Variants in PDGFD observed in about 807,000 individuals in gnomAD.
PDGFD encodes platelet derived growth factor D, also known as platelet-derived growth factor D.
PDGFD carries 30 observed loss-of-function variants against 44.7 expected under a neutral mutation model. The ratio of observed to expected loss-of-function variants is 0.67; its 90% confidence interval spans 0.50 to 0.91. The LOEUF is 0.91. Ranked by LOEUF, PDGFD falls within the 40% of genes least tolerant of loss-of-function variation. The pLI is 0.00. For missense variants in PDGFD, 445 were observed against 457.8 expected (o/e 0.97, Z 0.25); for synonymous variants, 173 against 168.4 (o/e 1.03, Z -0.21).
At chr11:103,981,162 A>G (rs1859266591) in intron 3 of PDGFD, among the ~76,000 whole-genome samples, 1 of 151,576 alleles carries the variant, frequency 6.6e-6, no homozygotes, top group Non-Finnish European at 1.5e-5. Context: ...TTAGCATGGG[A>G]GTGGGTTAGT....
At chr11:104,150,567 TG>T (rs1862228408) in intron 1 of PDGFD, among the ~76,000 whole-genome samples, 2 of 152,318 alleles carry the variant, frequency 1.3e-5, no homozygotes, top group Admixed American at 1.3e-4. Flanking sequence ...TTCTGGAGAC[TG>T]GAAGTCTGAA....
intron 3 of PDGFD, among the ~76,000 whole-genome samples, chr11:103,995,292 G>A (rs1214172422): frequency 6.6e-6 from 1 of 152,162 alleles, no homozygotes; most frequent in Non-Finnish European, 1.5e-5. Flanking sequence ...CAGAGTGCCT[G>A]ACAAAGAACA....
intron 1 of PDGFD, among the ~76,000 whole-genome samples, chr11:104,078,363 C>T (rs865974665): frequency 5.9e-5 from 9 of 152,296 alleles, no homozygotes; most frequent in Middle Eastern, 3.4e-3. Flanking sequence ...CCCATCAACA[C>T]TATGTCTAAG....
chr11:104,030,479 T>C (rs1860107827), intron 1 of PDGFD, among the ~76,000 whole-genome samples: 1 of 152,212 alleles, frequency 6.6e-6, no homozygotes, highest in Non-Finnish European at 1.5e-5. Context: ...CTCAGGGCAC[T>C]GCACAGGCTT....
At chr11:104,134,099 T>C (rs1479217683) in intron 1 of PDGFD, among the ~76,000 whole-genome samples, 1 of 152,176 alleles carries the variant, frequency 6.6e-6, no homozygotes, top group Non-Finnish European at 1.5e-5. Flanking sequence ...TAAACTATAT[T>C]TTTGAAAAGT....
chr11:104,101,075 C>T (rs1052234869), intron 1 of PDGFD, among the ~76,000 whole-genome samples: 1 of 152,080 alleles, frequency 6.6e-6, no homozygotes, highest in African/African-American at 2.4e-5. Flanking sequence ...CACTCCTATT[C>T]AACATAGTGT....
intron 3 of PDGFD, among the ~76,000 whole-genome samples, chr11:103,948,967 A>AAGAG (rs1858703242): frequency 6.6e-6 from 1 of 150,770 alleles, no homozygotes; most frequent in African/African-American, 2.4e-5. Flanking sequence ...GAAAGAAAGA[A>AAGAG]ACCGACTAGA....
chr11:104,112,793 G>C (rs1229602387), intron 1 of PDGFD, among the ~76,000 whole-genome samples: 1 of 151,948 alleles, frequency 6.6e-6, no homozygotes, highest in Non-Finnish European at 1.5e-5. Flanking sequence ...ATAACACATG[G>C]TCTTATTTAT....
At chr11:104,040,596 T>C (rs943631778) in intron 1 of PDGFD, among the ~76,000 whole-genome samples, 7 of 152,068 alleles carry the variant, frequency 4.6e-5, no homozygotes, top group Admixed American at 4.6e-4. Flanking sequence ...CTTTGCATAT[T>C]ACTGCCCTTA....
intron 1 of PDGFD, chr11:104,036,486 A>T (rs1860235036): frequency 6.4e-6 from 2 of 312,574 alleles, no homozygotes; most frequent in Non-Finnish European, 1.2e-5. Flanking sequence ...ATCATGTGTT[A>T]AATAGGCTTT....
chr11:104,080,885 A>C (rs944780387), intron 1 of PDGFD, among the ~76,000 whole-genome samples: 1 of 152,148 alleles, frequency 6.6e-6, no homozygotes, highest in Non-Finnish European at 1.5e-5. Context: ...TGAGGAGAAG[A>C]CCATATGGGG....
intron 3 of PDGFD, among the ~76,000 whole-genome samples, chr11:103,961,760 C>T (rs371480822): frequency 1.6e-4 from 24 of 152,138 alleles, no homozygotes; most frequent in African/African-American, 5.6e-4. Context: ...AGAACTTCAA[C>T]GTCACTGCTC....
chr11:104,005,516 C>A (rs190183487), intron 1 of PDGFD, among the ~76,000 whole-genome samples: 2 of 152,242 alleles, frequency 1.3e-5, no homozygotes. Context: ...AGGTTAAACC[C>A]GAGATAAGTA....
intron 1 of PDGFD, among the ~76,000 whole-genome samples, chr11:104,119,664 T>C (rs1482859141): frequency 1.1e-5 from 1 of 89,528 alleles, no homozygotes; most frequent in Admixed American, 1.8e-4. Flanking sequence ...TATATAATTA[T>C]ATATCGATAT....
chr11:103,919,348 T>C (rs1164578939), intron 6 of PDGFD, among the ~76,000 whole-genome samples: 3 of 152,172 alleles, frequency 2.0e-5, no homozygotes, highest in Non-Finnish European at 4.4e-5. Context: ...AAAAGCTATC[T>C]GCTGAGTCTG....
At chr11:104,001,076 T>G (rs1859612366) in intron 1 of PDGFD, among the ~76,000 whole-genome samples, 2 of 152,140 alleles carry the variant, frequency 1.3e-5, no homozygotes, top group African/African-American at 4.8e-5. Flanking sequence ...ACCAACCATG[T>G]GATTAAGGGT....
intron 1 of PDGFD, among the ~76,000 whole-genome samples, chr11:104,123,107 A>G (rs193149472): frequency 1.3e-5 from 2 of 152,198 alleles, no homozygotes; most frequent in Non-Finnish European, 2.9e-5. Context: ...GTGAAAATAT[A>G]GTATCCTATC....
chr11:104,055,966 T>A (rs1860611940), intron 1 of PDGFD, among the ~76,000 whole-genome samples: 1 of 152,098 alleles, frequency 6.6e-6, no homozygotes, highest in Admixed American at 6.6e-5. Flanking sequence ...ACAGGCCTAA[T>A]AAAAAACAAA....
chr11:104,060,887 T>C (rs1411734124), intron 1 of PDGFD, among the ~76,000 whole-genome samples: 1 of 152,214 alleles, frequency 6.6e-6, no homozygotes, highest in African/African-American at 2.4e-5. Flanking sequence ...CCACTTTAAG[T>C]GTACAACTCA....
Sources: gnomAD v4.1 joint callset for allele counts (sites outside exome capture counted in the v4.1 genomes callset) on GRCh38, gnomAD v4.1.1 for gene constraint, MANE v1.5 for transcripts, NCBI Gene and HGNC (gene_info 2026-07-23, HGNC 2026-07-21) for gene names.